Variants in MSRA observed in about 807,000 individuals in gnomAD.
MSRA encodes mitochondrial peptide methionine sulfoxide reductase.
A neutral mutation model predicts 31.3 loss-of-function variants in MSRA; 54 were observed. The ratio of observed to expected loss-of-function variants is 1.73; its 90% confidence interval spans 1.39 to 2.17. The LOEUF is 2.17. Ranked by LOEUF, MSRA falls within the 30% of genes most tolerant of loss-of-function variation. MSRA has a pLI of 0.00. For synonymous variants in MSRA, 169 were observed against 116.5 expected, an observed-to-expected ratio of 1.45 and a Z score of -2.90; for missense variants, 507 against 300.9, an observed-to-expected ratio of 1.69 and a Z score of -5.07.
chr8:10,188,162 C>A (rs1268217779), intron 1 of MSRA, among the ~76,000 whole-genome samples: 1 of 152,220 alleles, frequency 6.6e-6, no homozygotes, highest in Non-Finnish European at 1.5e-5. Flanking sequence ...TAATATCTTA[C>A]ATAATCAGTG....
chr8:10,056,042 C>T (rs1426207019), intron 1 of MSRA, among the ~76,000 whole-genome samples: 5 of 151,814 alleles, frequency 3.3e-5, no homozygotes, highest in Non-Finnish European at 7.4e-5. Context: ...TTATCTAAAA[C>T]TTATAAATGC....
intron 1 of MSRA, among the ~76,000 whole-genome samples, chr8:10,183,746 G>T (rs146455923): frequency 6.6e-6 from 1 of 150,914 alleles, no homozygotes; most frequent in African/African-American, 2.4e-5. Flanking sequence ...AAAGAGGACG[G>T]TGTGGCATCA....
chr8:10,227,051 A>G (rs1416578458), intron 2 of MSRA, among the ~76,000 whole-genome samples: 1 of 152,208 alleles, frequency 6.6e-6, no homozygotes, highest in Non-Finnish European at 1.5e-5. Context: ...TCACCAGTCC[A>G]TCCCTGGGGA....
intron 1 of MSRA, among the ~76,000 whole-genome samples, chr8:10,189,489 A>AT (rs916829201): frequency 3.3e-5 from 5 of 151,968 alleles, no homozygotes; most frequent in African/African-American, 9.7e-5. Flanking sequence ...TTTTTAGTAG[A>AT]TTTTTTTTAT....
chr8:10,185,769 C>T (rs1039401865), intron 1 of MSRA, among the ~76,000 whole-genome samples: 3 of 152,172 alleles, frequency 2.0e-5, no homozygotes, highest in Non-Finnish European at 4.4e-5. Flanking sequence ...CCTTTGAGTC[C>T]TGTGTTCCTA....
chr8:10,379,479 C>T (rs1430789545), intron 5 of MSRA, among the ~76,000 whole-genome samples: 1 of 152,178 alleles, frequency 6.6e-6, no homozygotes, highest in African/African-American at 2.4e-5. Flanking sequence ...GAGCCTGTGG[C>T]CTCGCCCCAT....
intron 5 of MSRA, among the ~76,000 whole-genome samples, chr8:10,354,663 G>A (rs995128232): frequency 2.0e-5 from 3 of 151,178 alleles, no homozygotes; most frequent in Admixed American, 6.6e-5. Flanking sequence ...TATTATCAGT[G>A]AAAATATTTG....
In MSRA at chr8:10,397,858, C is replaced by CA. The variant is rs974041385; in HGVS notation, c.544-30282dup. ...TTTTATTCCTGTCATTCTAAATTAC[C>CA]AAAAAAAAGGAGAAGTAAGGAAGTA... On this transcript the variant is annotated intron_variant, in intron 5 of 5. Coordinates refer to ENST00000317173, the MANE Select transcript of MSRA (RefSeq NM_012331.5). Among the ~76,000 whole-genome samples the CA allele has an allele frequency of 7.3e-5, 11 of 151,588 alleles. No homozygotes were observed. In the South Asian group the frequency reaches 8.3e-4, roughly 11 times the overall value.
At chr8:10,191,130 A>C (rs2129053437) in intron 1 of MSRA, among the ~76,000 whole-genome samples, 1 of 152,346 alleles carries the variant, frequency 6.6e-6, no homozygotes, top group East Asian at 1.9e-4. Context: ...TAAATCACCT[A>C]GCTTAATAGC....
intron 1 of MSRA, among the ~76,000 whole-genome samples, chr8:10,083,941 C>T (rs1004521935): frequency 7.2e-5 from 11 of 152,250 alleles, no homozygotes; most frequent in Admixed American, 7.2e-4. Context: ...GGATTTAGGC[C>T]AAGGTACAGC....
chr8:10,208,609 A>G (rs7836718), intron 2 of MSRA, among the ~76,000 whole-genome samples: 52,900 of 150,830 alleles, frequency 0.35, 11,129 homozygotes, highest in African/African-American at 0.6. Flanking sequence ...TGTTGGGCCC[A>G]TCTCCCACCT....
chr8:10,283,069 C>T (rs959753995), intron 3 of MSRA, among the ~76,000 whole-genome samples: 1 of 151,390 alleles, frequency 6.6e-6, no homozygotes, highest in African/African-American at 2.4e-5. Context: ...AAAGACTTTC[C>T]TAAAAGCCCA....
At chr8:10,154,278 C>T (rs2129038414) in intron 1 of MSRA, among the ~76,000 whole-genome samples, 1 of 92,632 alleles carries the variant, frequency 1.1e-5, no homozygotes, top group Middle Eastern at 4.6e-3. Flanking sequence ...AAGGTTACGG[C>T]AGGGCAGGGG....
chr8:10,178,170 T>C (rs936784608), intron 1 of MSRA, among the ~76,000 whole-genome samples: 1 of 152,212 alleles, frequency 6.6e-6, no homozygotes, highest in African/African-American at 2.4e-5. Context: ...ATTTAAAATG[T>C]CTGCATTGTC....
chr8:10,197,487 T>G (rs1044774928), intron 1 of MSRA, among the ~76,000 whole-genome samples: 7 of 151,986 alleles, frequency 4.6e-5, no homozygotes, highest in Non-Finnish European at 8.8e-5. Flanking sequence ...CCCTAAGAAG[T>G]GGGTCGGGCA....
intron 5 of MSRA, among the ~76,000 whole-genome samples, chr8:10,358,626 T>A (rs1408488965): frequency 2.5e-5 from 3 of 119,510 alleles, no homozygotes; most frequent in African/African-American, 9.6e-5. Flanking sequence ...GGAGTCTCGC[T>A]CTGTCGCCCA....
At chr8:10,261,650 C>G (rs1004723332) in intron 3 of MSRA, among the ~76,000 whole-genome samples, 11 of 152,246 alleles carry the variant, frequency 7.2e-5, no homozygotes, top group African/African-American at 2.6e-4. Context: ...CATCCATTTT[C>G]TTGGCTATTA....
At chr8:10,422,403 G>A (rs527586214) in intron 5 of MSRA, among the ~76,000 whole-genome samples, 7 of 152,308 alleles carry the variant, frequency 4.6e-5, no homozygotes, top group African/African-American at 1.7e-4. Context: ...CTGAGTCCAA[G>A]GAGAAAATGA....
intron 1 of MSRA, among the ~76,000 whole-genome samples, chr8:10,175,316 G>C (rs150947749): frequency 6.6e-5 from 10 of 152,268 alleles, no homozygotes; most frequent in African/African-American, 2.4e-4. Flanking sequence ...TATATGCTCA[G>C]TGTTCCCTTT....
Sources: gnomAD v4.1 joint callset for allele counts (sites outside exome capture counted in the v4.1 genomes callset) on GRCh38, gnomAD v4.1.1 for gene constraint, MANE v1.5 for transcripts, NCBI Gene and HGNC (gene_info 2026-07-23, HGNC 2026-07-21) for gene names.